Variants in PHLPP1 observed in about 807,000 individuals in gnomAD.
The protein encoded by PHLPP1 is PH domain and leucine rich repeat protein phosphatase 1, also known as PH domain leucine-rich repeat-containing protein phosphatase 1.
Under a neutral mutation model 117.2 loss-of-function variants are expected in PHLPP1, and 42 were observed. The ratio of observed to expected loss-of-function variants is 0.36; its 90% CI spans 0.28 to 0.46. The LOEUF is 0.46. Among genes scored for constraint, PHLPP1 ranks in the 20% least tolerant of loss-of-function variants. The probability of loss-of-function intolerance (pLI) is 1.00; values close to 1 mark genes in which losing one functional copy is unlikely to be tolerated. For missense variants in PHLPP1, 2,084 were observed against 2,241.9 expected (o/e 0.93, Z 1.42); for synonymous variants, 1,042 against 970.7 (o/e 1.07, Z -1.37).
chr18:62,970,689 C>T (rs537061123), intron 14 of PHLPP1, among the ~76,000 whole-genome samples: 37 of 152,178 alleles, frequency 2.4e-4, no homozygotes, highest in Middle Eastern at 3.4e-3. Flanking sequence ...CACTTGAACC[C>T]GGGAGGCAGA....
intron 1 of PHLPP1, among the ~76,000 whole-genome samples, chr18:62,719,303 A>G (rs1910847907): frequency 6.6e-6 from 1 of 152,248 alleles, no homozygotes; most frequent in Admixed American, 6.5e-5. Flanking sequence ...GCTTTAAAGC[A>G]AAGTTGAGCT....
rs1483827326 is a variant in PHLPP1 at position 62,941,829 on chromosome 18, C to G, written c.3072C>G (p.Leu1024=). The G allele has an allele frequency of 6.2e-7, 1 of 1,613,960 alleles. No homozygotes were observed. Among genetic ancestry groups the G allele is most frequent in the Non-Finnish European group, 8.5e-7 (1 of 1,179,824 alleles). ...LQELYLTNNS[L]TDKCVPLLTG... Reference sequence around the variant, plus strand: ...AGTTGTATTTGACAAATAACAGCCTCACAGACAAATGTGTGCCCTTGTTAA... The same window carrying G: ...AGTTGTATTTGACAAATAACAGCCTGACAGACAAATGTGTGCCCTTGTTAA... The change falls in exon 11 of 17, where the codon CTC becomes CTG. Residue 1024 remains leucine (L), a synonymous_variant. Coordinates refer to ENST00000262719, the MANE Select transcript of PHLPP1 (RefSeq NM_194449.4).
rs774225759 is a variant in PHLPP1 at position 62,900,433 on chromosome 18, C to CTTTTTTTTTTTTTTTTTTTTTTTT, written c.2445-2526_2445-2503dup. Among the ~76,000 whole-genome samples, 15 of 54,258 alleles carry CTTTTTTTTTTTTTTTTTTTTTTTT rather than the reference C, an allele frequency of 2.8e-4. 7 individuals are homozygous for CTTTTTTTTTTTTTTTTTTTTTTTT. The highest frequency in any genetic ancestry group is 2.0e-4 in the Non-Finnish European group (6 of 30,070). The allele number at this position is 54,258 out of a possible 152,430, so 35.6% of individuals were successfully genotyped here. ...GTATTCTTGTTTTTTCTTTTTCTTT[C>CTTTTTTTTTTTTTTTTTTTTTTTT]TTTTTTTTTTTTTTTTTTTTTTTTT... On this transcript the variant is annotated intron_variant, in intron 6 of 16. Transcript: ENST00000262719.
intron 10 of PHLPP1, among the ~76,000 whole-genome samples, chr18:62,938,355 T>A (rs1358604330): frequency 6.6e-6 from 1 of 152,158 alleles, no homozygotes; most frequent in Non-Finnish European, 1.5e-5. Context: ...CTAAAATTGT[T>A]AACCATCCTG....
chr18:62,966,279 A>G (rs1910902527), intron 14 of PHLPP1, among the ~76,000 whole-genome samples: 1 of 152,102 alleles, frequency 6.6e-6, no homozygotes, highest in Non-Finnish European at 1.5e-5. Flanking sequence ...GATAATGGTC[A>G]TTACTATTAT....
chr18:62,973,834 A>G (rs1193485565), intron 15 of PHLPP1, among the ~76,000 whole-genome samples: 2 of 152,200 alleles, frequency 1.3e-5, no homozygotes, highest in East Asian at 3.8e-4. Flanking sequence ...TTAGCTGGGT[A>G]ATGTTACTGA....
chr18:62,873,448 AACT>A (rs1234035443), intron 4 of PHLPP1, among the ~76,000 whole-genome samples: 1 of 152,236 alleles, frequency 6.6e-6, no homozygotes, highest in Non-Finnish European at 1.5e-5. Context: ...ATTATAAAAT[AACT>A]ACTTCATAAA....
chr18:62,872,703 T>A (rs147937207), intron 4 of PHLPP1, among the ~76,000 whole-genome samples: 4 of 131,170 alleles, frequency 3.0e-5, no homozygotes, highest in African/African-American at 1.2e-4. Context: ...AAAAAAAAAT[T>A]AGGTGGGGCG....
Position 62,972,578 on chromosome 18 carries a change from T to A in PHLPP1, c.3625T>A (p.Phe1209Ile). The A allele has an allele frequency of 6.2e-7, 1 of 1,613,868 alleles. No homozygotes were observed. The highest frequency in any genetic ancestry group is 1.1e-5 in the South Asian group (1 of 91,070). ...CDNREALYGV[F>I]DGDRNVEVPY... Reference sequence around the variant, plus strand: ...CAACCGCGAAGCCCTGTATGGTGTGTTTGACGGAGACCGGAATGTGGAGGT... The same window carrying A: ...CAACCGCGAAGCCCTGTATGGTGTGATTGACGGAGACCGGAATGTGGAGGT... The change falls in exon 15 of 17, where the codon TTT (phenylalanine) becomes ATT (isoleucine). Residue 1209 changes from phenylalanine to isoleucine, a missense_variant. Transcript: ENST00000262719.
chr18:62,917,396 T>TTGTGTGTGTGTGTG (rs34407573), intron 9 of PHLPP1, among the ~76,000 whole-genome samples: 2,539 of 141,440 alleles, frequency 0.018, 61 homozygotes, highest in African/African-American at 0.059. Context: ...ACAGTATTCT[T>TTGTGTGTGTGTGTG]TGTGTGTGTG....
chr18:62,929,143 A>G (rs1346530687), intron 10 of PHLPP1, among the ~76,000 whole-genome samples: 1 of 152,142 alleles, frequency 6.6e-6, no homozygotes, highest in Non-Finnish European at 1.5e-5. Flanking sequence ...TATTATGTGA[A>G]TTACGTCCCT....
chr18:62,895,716 T>TAC lies in PHLPP1; in HGVS notation c.2214-64_2214-63insCA, dbSNP rs1916542998. 10 of 1,009,416 alleles carry TAC rather than the reference T, an allele frequency of 9.9e-6. No homozygotes were observed. In the East Asian group the frequency reaches 2.4e-4, roughly 24 times the overall value. 62.5% of individuals were successfully genotyped at this position (1,009,416 alleles called of 1,614,324 possible). A position where few individuals can be genotyped will look rare whatever the true frequency, so the allele number is the denominator to read the frequency against. On this transcript the variant is annotated intron_variant, in intron 5 of 16. Coordinates refer to ENST00000262719, the MANE Select transcript of PHLPP1 (RefSeq NM_194449.4). The stretch of plus-strand genomic sequence containing the variant: ...ATACGGTCTACACTTATGGAACTTG[T>TAC]ATGTTGATAATAAAGATGTAAAATT...
intron 1 of PHLPP1, among the ~76,000 whole-genome samples, chr18:62,827,521 A>G (rs1914642616): frequency 6.6e-6 from 1 of 152,212 alleles, no homozygotes; most frequent in Non-Finnish European, 1.5e-5. Context: ...ATTCATCTCC[A>G]TATTCCCCAG....
chr18:62,955,936 C>G (rs1002358346), intron 12 of PHLPP1, among the ~76,000 whole-genome samples: 1 of 152,036 alleles, frequency 6.6e-6, no homozygotes, highest in South Asian at 2.1e-4. Flanking sequence ...TGTACTGACT[C>G]TGTTGGTAGC....
At chr18:62,741,425 GTGCTTTGAAGGC>G (rs1453833830) in intron 1 of PHLPP1, among the ~76,000 whole-genome samples, 1 of 152,126 alleles carries the variant, frequency 6.6e-6, no homozygotes, top group African/African-American at 2.4e-5. Context: ...AAGGTATAAG[GTGCTTTGAAGGC>G]TGGGGGAAAA....
At chr18:62,836,468 TAAATAAATAAATAAATAA>T (rs1568132843) in intron 2 of PHLPP1, among the ~76,000 whole-genome samples, 6 of 144,434 alleles carry the variant, frequency 4.2e-5, no homozygotes, top group African/African-American at 1.6e-4. Flanking sequence ...AATAAATAAA[TAAATAAATAAATAAATAA>T]AAATAAATTA....
intron 4 of PHLPP1, among the ~76,000 whole-genome samples, chr18:62,877,585 A>G (rs1023981244): frequency 2.6e-5 from 4 of 152,264 alleles, no homozygotes; most frequent in African/African-American, 7.2e-5. Flanking sequence ...GCCAAATGTT[A>G]AAGGAATTTC....
intron 1 of PHLPP1, among the ~76,000 whole-genome samples, chr18:62,815,152 T>A (rs548343253): frequency 2.0e-4 from 30 of 151,552 alleles, no homozygotes; most frequent in Non-Finnish European, 3.8e-4. Flanking sequence ...TGTTTCTTTT[T>A]TTTTTTTCCT....
intron 2 of PHLPP1, among the ~76,000 whole-genome samples, chr18:62,836,279 C>A (rs902451736): frequency 6.6e-6 from 1 of 150,974 alleles, no homozygotes; most frequent in African/African-American, 2.4e-5. Flanking sequence ...ACTAAAAATA[C>A]AAAAATTGGT....
Sources: gnomAD v4.1 joint callset for allele counts (sites outside exome capture counted in the v4.1 genomes callset) on GRCh38, gnomAD v4.1.1 for gene constraint, MANE v1.5 for transcripts, NCBI Gene and HGNC (gene_info 2026-07-23, HGNC 2026-07-21) for gene names.